DOCK8: variants seen among roughly 807,000 people sequenced by gnomAD.
DOCK8 encodes dedicator of cytokinesis 8, also known as dedicator of cytokinesis protein 8.
DOCK8 carries 141 observed loss-of-function variants against 245.6 expected under a neutral mutation model. That is an observed-to-expected ratio of 0.57 (90% CI 0.50 to 0.66). The LOEUF is 0.66. Among genes scored for constraint, DOCK8 ranks in the 30% least tolerant of loss-of-function variants. DOCK8 has a pLI of 0.00. For missense variants in DOCK8, 2,965 were observed against 2,603.4 expected (o/e 1.14, Z -3.02); for synonymous variants, 1,168 against 970.2 (o/e 1.20, Z -3.79).
intron 27 of DOCK8, among the ~76,000 whole-genome samples, chr9:406,412 G>T (rs530726840): frequency 6.6e-5 from 10 of 151,486 alleles, no homozygotes; most frequent in Admixed American, 5.3e-4. Flanking sequence ...GCTTGAACCC[G>T]GGAGAGGGAG....
intron 1 of DOCK8, chr9:215,445 A>G (rs762033293): frequency 6.7e-7 from 1 of 1,496,300 alleles, no homozygotes; most frequent in Non-Finnish European, 8.9e-7. Context: ...GGAAGAAGTG[A>G]AGTGGCTGAA....
chr9:429,994 A>G (rs1351813101), intron 36 of DOCK8, 140 bp downstream of exon 36: 9 of 1,016,804 alleles, frequency 8.9e-6, no homozygotes, highest in Middle Eastern at 3.0e-4. Context: ...TTGAGTATGT[A>G]GATAGATAGC....
At chr9:246,964 A>G (rs1009803102) in intron 1 of DOCK8, among the ~76,000 whole-genome samples, 10 of 152,116 alleles carry the variant, frequency 6.6e-5, no homozygotes, top group Admixed American at 2.0e-4. Context: ...AGGAAGTTAG[A>G]TAAAGGGTGA....
At chr9:393,085 C>CAAAAA (rs1159933739) in intron 24 of DOCK8, among the ~76,000 whole-genome samples, 38 of 44,742 alleles carry the variant, frequency 8.5e-4, no homozygotes, top group African/African-American at 1.3e-3. Flanking sequence ...GACCCTGTCT[C>CAAAAA]AAAAAAAAAA....
At chr9:307,107 C>T (rs1479338791) in intron 5 of DOCK8, among the ~76,000 whole-genome samples, 2 of 152,100 alleles carry the variant, frequency 1.3e-5, no homozygotes, top group African/African-American at 4.8e-5. Flanking sequence ...GCCCTTTGAC[C>T]TCCTTGAACC....
At chr9:228,491 G>T (rs1203503502) in intron 1 of DOCK8, among the ~76,000 whole-genome samples, 2 of 151,942 alleles carry the variant, frequency 1.3e-5, no homozygotes, top group Non-Finnish European at 2.9e-5. Context: ...GTTTAAATTT[G>T]AAAAATTACA....
intron 25 of DOCK8, 26 bp from the exon 26 acceptor site, chr9:399,120 G>C (rs1208020075): frequency 1.2e-6 from 2 of 1,604,420 alleles, no homozygotes; most frequent in Non-Finnish European, 1.7e-6. Context: ...CCCACAAAAT[G>C]ATTTGGGTGT....
chr9:390,688 C>G (rs981986809), intron 24 of DOCK8, 122 bp downstream of exon 24: 66 of 850,538 alleles, frequency 7.8e-5, no homozygotes, highest in Non-Finnish European at 1.1e-4. Flanking sequence ...TTCTTGAAAT[C>G]TAATAATCTC....
chr9:239,720 C>G (rs1172733867), intron 1 of DOCK8, among the ~76,000 whole-genome samples: 1 of 152,134 alleles, frequency 6.6e-6, no homozygotes, highest in Admixed American at 6.5e-5. Context: ...ACTTATTAAT[C>G]ATTTTAACAG....
In DOCK8 at chr9:312,015, G is replaced by A. The variant is rs777075220; in HGVS notation, c.590G>A (p.Cys197Tyr). 1.8e-5 allele frequency: 29 copies of A among 1,614,194 alleles called. No homozygotes were observed. The highest frequency in any genetic ancestry group is 2.5e-5 in the Non-Finnish European group (29 of 1,180,042). Residue 197 changes from cysteine to tyrosine, a missense_variant, in exon 6 of 48, where the codon TGT (cysteine) becomes TAT (tyrosine). Cys to Tyr is a radical substitution (Grantham distance 194, BLOSUM62 -2). Transcript: ENST00000432829. ...TCTGGGAAAGGCCCCGTCACTGCCT[G>A]TGACTTTGACCTCCGCAGCCTGCAG... ...DVSGKGPVTACDFDLRSLQPD... is the reference protein window; with the variant it reads ...DVSGKGPVTAYDFDLRSLQPD...
intron 23 of DOCK8, among the ~76,000 whole-genome samples, chr9:386,761 C>T (rs933868243): frequency 6.6e-6 from 1 of 152,246 alleles, no homozygotes; most frequent in African/African-American, 2.4e-5. Context: ...AAGTTCCCAG[C>T]TGATGCTGGT....
chr9:283,552 AT>A (rs1000480913), intron 2 of DOCK8, among the ~76,000 whole-genome samples: 38 of 152,030 alleles, frequency 2.5e-4, no homozygotes, highest in African/African-American at 8.5e-4. Flanking sequence ...ACCCCCTCCC[AT>A]CTTCCCACCT....
chr9:257,665 A>G (rs490182), intron 1 of DOCK8, among the ~76,000 whole-genome samples: 73,611 of 152,058 alleles, frequency 0.48, 18,232 homozygotes, highest in East Asian at 0.8. Context: ...GATTACAGGC[A>G]TGTGCCACCA....
At chr9:454,736 A>G (rs766244871) in intron 46 of DOCK8, 1 of 152,224 alleles carries the variant, frequency 6.6e-6, no homozygotes, top group East Asian at 1.9e-4. Context: ...AATTTTTTCT[A>G]CTAGTTATAA....
intron 1 of DOCK8, among the ~76,000 whole-genome samples, chr9:224,859 G>T (rs1024275536): frequency 6.6e-6 from 1 of 152,170 alleles, no homozygotes; most frequent in East Asian, 1.9e-4. Context: ...GACAATGCAG[G>T]AGTCCCTTAT....
chr9:274,735 G>A (rs979146380), intron 2 of DOCK8, among the ~76,000 whole-genome samples: 4 of 152,154 alleles, frequency 2.6e-5, no homozygotes, highest in Non-Finnish European at 5.9e-5. Context: ...AGGCAAAGGA[G>A]TAGTTTATCA....
At chr9:345,179 A>C (rs187165784) in intron 14 of DOCK8, among the ~76,000 whole-genome samples, 2 of 152,230 alleles carry the variant, frequency 1.3e-5, no homozygotes, top group Admixed American at 6.5e-5. Context: ...TTTCCATGCC[A>C]ATCAATAATC....
chr9:403,918 A>G lies in DOCK8; in HGVS notation c.3235-1000A>G, dbSNP rs1318668375. On this transcript the variant is annotated intron_variant, in intron 26 of 47. Coordinates refer to ENST00000432829, the MANE Select transcript of DOCK8 (RefSeq NM_203447.4). ...TATATATATATATATATATATATAC[A>G]TATATATATATGTGTATATATATAT... Among the ~76,000 whole-genome samples the G allele has an allele frequency of 1.5e-3, 116 of 75,220 alleles. 1 individual carries two copies. Among genetic ancestry groups the G allele is most frequent in the African/African-American group, 6.9e-3 (82 of 11,936 alleles). 49.3% of individuals were successfully genotyped at this position (75,220 alleles called of 152,430 possible).
At chr9:261,114 C>T (rs2047907908) in intron 1 of DOCK8, among the ~76,000 whole-genome samples, 1 of 151,658 alleles carries the variant, frequency 6.6e-6, no homozygotes, top group Non-Finnish European at 1.5e-5. Context: ...AAATTATTAC[C>T]TAGATTGTCT....
Sources: gnomAD v4.1 joint callset for allele counts (sites outside exome capture counted in the v4.1 genomes callset) on GRCh38, gnomAD v4.1.1 for gene constraint, MANE v1.5 for transcripts, NCBI Gene and HGNC (gene_info 2026-07-23, HGNC 2026-07-21) for gene names.